ZSCAN16: variants seen among roughly 807,000 people sequenced by gnomAD.
ZSCAN16 encodes the protein zinc finger and SCAN domain containing 16.
In ZSCAN16, 15 loss-of-function variants were observed where a neutral mutation model predicts 19.4. The ratio of observed to expected loss-of-function variants is 0.77; its 90% confidence interval spans 0.52 to 1.19. The LOEUF is 1.19. Ranked by LOEUF, ZSCAN16 falls within the 50% of genes most tolerant of loss-of-function variation. The pLI, the probability that ZSCAN16 is intolerant of heterozygous loss-of-function variation, is 0.00. For missense variants in ZSCAN16, 327 were observed against 415.7 expected (o/e 0.79, Z 1.86); for synonymous variants, 138 against 146.5 (o/e 0.94, Z 0.42).
In ZSCAN16 at chr6:28,125,717, A is replaced by G; in HGVS notation, c.274A>G (p.Ile92Val). ...GCTGGTGCTAGAACAGTTCCTGAGCATTCTTCCTAAAGACCTGCAAGCATG... is the reference window on the plus strand; with the variant it reads ...GCTGGTGCTAGAACAGTTCCTGAGCGTTCTTCCTAAAGACCTGCAAGCATG... Reference protein sequence around the residue: ...DLLVLEQFLSILPKDLQAWVR... With the variant: ...DLLVLEQFLSVLPKDLQAWVR... Residue 92 changes from isoleucine to valine, a missense_variant, in exon 2 of 4, where the codon ATT (isoleucine) becomes GTT (valine). Coordinates refer to ENST00000340487, the MANE Select transcript of ZSCAN16 (RefSeq NM_025231.3). The surrounding 1 kb of genome is among the most constrained non-coding windows in gnomAD (Gnocchi z 6.2). 1 of 1,614,248 alleles carries G rather than the reference A, an allele frequency of 6.2e-7. No individual in the cohort carries two copies. Among genetic ancestry groups the G allele is most frequent in the South Asian group, 1.1e-5 (1 of 91,090 alleles).
Position 28,124,609 on chromosome 6 carries a change from G to C in ZSCAN16, c.-100G>C, listed in dbSNP as rs1055185025. ...CGGCCGGGCGCCGATTGGTGTCTTTGAGTCTAGTCTTTGTTCGGGGCTGTC... is the reference window on the plus strand; with the variant it reads ...CGGCCGGGCGCCGATTGGTGTCTTTCAGTCTAGTCTTTGTTCGGGGCTGTC... On this transcript the variant is annotated 5_prime_UTR_variant, in exon 1 of 4. Transcript: ENST00000340487. 1 of 152,228 alleles carries C rather than the reference G, an allele frequency of 6.6e-6. No individual in the cohort carries two copies. Among genetic ancestry groups the C allele is most frequent in the Non-Finnish European group, 1.5e-5 (1 of 68,062 alleles). 9.4% of individuals were successfully genotyped at this position (152,228 alleles called of 1,614,324 possible). A position where few individuals can be genotyped will look rare whatever the true frequency, so the allele number is the denominator to read the frequency against.
In ZSCAN16 at chr6:28,129,745, G is replaced by T; in HGVS notation, c.842G>T (p.Gly281Val). The T allele has an allele frequency of 6.2e-7, 1 of 1,614,114 alleles. No homozygotes were observed. Among genetic ancestry groups the T allele is most frequent in the Non-Finnish European group, 8.5e-7 (1 of 1,180,002 alleles). ...KAFIQRSHLI[G>V]HHRVHTGVKP... The stretch of plus-strand genomic sequence containing the variant: ...TTCATTCAGCGCTCACATCTCATTG[G>T]ACATCATAGAGTACACACGGGAGTA... Residue 281 changes from glycine to valine, a missense_variant, in exon 4 of 4, where the codon GGA becomes GTA. Physicochemically the swap from Gly to Val is moderately radical, Grantham distance 109. Transcript: ENST00000340487.
chr6:28,127,154 T>C (rs1764929344), intron 3 of ZSCAN16, among the ~76,000 whole-genome samples: 1 of 152,168 alleles, frequency 6.6e-6, no homozygotes, highest in Admixed American at 6.5e-5. Flanking sequence ...TTATTTAATA[T>C]CCTTATAATT....
At position 28,125,292 on chromosome 6, in the gene ZSCAN16, T is replaced by C; in HGVS notation, c.-31-121T>C. 1 of 1,184,972 alleles carries C rather than the reference T, an allele frequency of 8.4e-7. No individual in the cohort carries two copies. The highest frequency in any genetic ancestry group is 1.1e-6 in the Non-Finnish European group (1 of 876,966). 73.4% of individuals were successfully genotyped at this position (1,184,972 alleles called of 1,614,324 possible). On this transcript the variant is annotated intron_variant, in intron 1 of 3. Coordinates refer to ENST00000340487, the MANE Select transcript of ZSCAN16 (RefSeq NM_025231.3). This position sits in a 1 kb window ranked among gnomAD's most constrained non-coding sequence, Gnocchi z 6.2. ...TCTGATTGACTTCTGGTGGCTTGGC[T>C]TCATTATGATGTGTTTATGTTCACA...
chr6:28,126,942 G>C, intron 3 of ZSCAN16, 21 bp downstream of exon 3: 1 of 1,514,854 alleles, frequency 6.6e-7, no homozygotes, highest in South Asian at 1.3e-5. Context: ...ACAGTTCTGA[G>C]TGTATGAGGG....
chr6:28,125,471 C>T lies in ZSCAN16; in HGVS notation c.28C>T (p.Gln10Ter), dbSNP rs765820844. 1.2e-6 allele frequency: 2 copies of T among 1,613,830 alleles called. No individual in the cohort carries two copies. Among genetic ancestry groups the T allele is most frequent in the South Asian group, 2.2e-5 (2 of 91,036 alleles). Residue 10 changes from glutamine (Q) to a stop codon, truncating the protein, a stop_gained, in exon 2 of 4, where the codon CAA becomes TAA. Transcript: ENST00000340487. LOFTEE classifies it high-confidence loss of function. The surrounding 1 kb of genome is among the most constrained non-coding windows in gnomAD (Gnocchi z 6.2). MTTALEPEDQKGLLIIKAED... is the reference protein window; with the variant it reads MTTALEPED The stretch of plus-strand genomic sequence containing the variant: ...GACCACAGCCCTGGAACCTGAGGAC[C>T]AAAAAGGACTTCTGATAATTAAGGC...
intron 3 of ZSCAN16, 36 bp downstream of exon 3, chr6:28,126,957 G>A: frequency 2.1e-6 from 3 of 1,418,360 alleles, no homozygotes; most frequent in Non-Finnish European, 2.8e-6. Context: ...TGAGGGTAGA[G>A]GTACTTCCTT....
At chr6:28,128,327 A>G (rs932330811) in intron 3 of ZSCAN16, among the ~76,000 whole-genome samples, 7 of 152,146 alleles carry the variant, frequency 4.6e-5, no homozygotes, top group Non-Finnish European at 1.0e-4. Context: ...TTTACTAAAT[A>G]GCAGCTATAT....
chr6:28,127,813 A>G (rs968904369), intron 3 of ZSCAN16, among the ~76,000 whole-genome samples: 1 of 152,146 alleles, frequency 6.6e-6, no homozygotes, highest in African/African-American at 2.4e-5. Flanking sequence ...TCCAAACCCT[A>G]CCTTTTTCAG....
Position 28,129,439 on chromosome 6 carries a change from C to T in ZSCAN16, c.536C>T (p.Thr179Ile), listed in dbSNP as rs1764992768. The T allele has an allele frequency of 6.2e-7, 1 of 1,605,766 alleles. No individual in the cohort carries two copies. Among genetic ancestry groups the T allele is most frequent in the African/African-American group, 1.3e-5 (1 of 74,492 alleles). ...AGKPQRNGDK[T>I]RTKNEELFQK... ...TGTTTGTTTGTTACAGGTGATAAAA[C>T]TAGGACTAAGAATGAAGAGTTGTTC... is the stretch of plus-strand genomic sequence containing the variant. Residue 179 changes from threonine to isoleucine, a missense_variant, in exon 4 of 4, where the codon ACT (threonine) becomes ATT (isoleucine). By Grantham distance (89) the Thr-to-Ile change is moderately conservative (BLOSUM62 -1). Coordinates refer to ENST00000340487, the MANE Select transcript of ZSCAN16 (RefSeq NM_025231.3).
chr6:28,125,503 C>A lies in ZSCAN16; in HGVS notation c.60C>A (p.Asp20Glu), dbSNP rs371597935. The change falls in exon 2 of 4, where the codon GAC becomes GAA. Residue 20 changes from aspartate (D) to glutamate (E), a missense_variant. Physicochemically the swap from Asp to Glu is conservative, Grantham distance 45. Transcript: ENST00000340487. The surrounding 1 kb of genome is among the most constrained non-coding windows in gnomAD (Gnocchi z 6.2). ...QKGLLIIKAEDHYWGQDSSSQ... is the reference protein window; with the variant it reads ...QKGLLIIKAEEHYWGQDSSSQ... Reference sequence around the variant, plus strand: ...GACTTCTGATAATTAAGGCAGAGGACCATTACTGGGGACAGGATTCCAGCT... The same window carrying A: ...GACTTCTGATAATTAAGGCAGAGGAACATTACTGGGGACAGGATTCCAGCT... The A allele has an allele frequency of 6.2e-7, 1 of 1,614,038 alleles. No individual in the cohort carries two copies. The highest frequency in any genetic ancestry group is 8.5e-7 in the Non-Finnish European group (1 of 1,180,044).
chr6:28,128,395 T>C (rs1764962552), intron 3 of ZSCAN16, among the ~76,000 whole-genome samples: 1 of 152,152 alleles, frequency 6.6e-6, no homozygotes, highest in Non-Finnish European at 1.5e-5. Flanking sequence ...ATTACTTCTC[T>C]TCAAGAAGCA....
In ZSCAN16 at chr6:28,126,769, C is replaced by T. The variant is rs766413045; in HGVS notation, c.388-14C>T. On this transcript the variant is annotated splice_polypyrimidine_tract_variant and intron_variant, in intron 2 of 3. Transcript: ENST00000340487. ...TTTCCATAAAATTCACCTTACACAC[C>T]TCATTTTCCCTAGGTCCCAGGCAAT... is the stretch of plus-strand genomic sequence containing the variant. 3 of 1,421,524 alleles carry T rather than the reference C, an allele frequency of 2.1e-6. No homozygotes were observed. Among genetic ancestry groups the T allele is most frequent in the Non-Finnish European group, 1.9e-6 (2 of 1,071,968 alleles). The allele number at this position is 1,421,524 out of a possible 1,614,324, so 88.1% of individuals were successfully genotyped here.
At chr6:28,126,268 TAA>T (rs60347036) in intron 2 of ZSCAN16, among the ~76,000 whole-genome samples, 3,304 of 151,004 alleles carry the variant, frequency 0.022, 53 homozygotes, top group African/African-American at 0.059. Context: ...GTAGCCACAT[TAA>T]AAAAAAAGGT....
Position 28,125,622 on chromosome 6 carries a change from C to G in ZSCAN16, c.179C>G (p.Thr60Ser). 1 of 1,614,256 alleles carries G rather than the reference C, an allele frequency of 6.2e-7. No individual in the cohort carries two copies. Among genetic ancestry groups the G allele is most frequent in the Non-Finnish European group, 8.5e-7 (1 of 1,180,032 alleles). The part of the protein sequence containing the change: ...QDAPGPREAL[T>S]QLWELCRQWL... ...GCACCTGGACCCCGTGAAGCTCTTA[C>G]CCAGCTGTGGGAGCTCTGCCGTCAG... Residue 60 changes from threonine to serine, a missense_variant, in exon 2 of 4, where the codon ACC becomes AGC. Coordinates refer to ENST00000340487, the MANE Select transcript of ZSCAN16 (RefSeq NM_025231.3). The surrounding 1 kb of genome is among the most constrained non-coding windows in gnomAD (Gnocchi z 6.2).
Position 28,125,864 on chromosome 6 carries a change from CA to C in ZSCAN16, c.387+35del. On this transcript the variant is annotated intron_variant, in intron 2 of 3. Coordinates refer to ENST00000340487, the MANE Select transcript of ZSCAN16 (RefSeq NM_025231.3). The surrounding 1 kb of genome is among the most constrained non-coding windows in gnomAD (Gnocchi z 6.2). The stretch of plus-strand genomic sequence containing the variant: ...GGGCAGTCATCTGGCTGTGAGTGAT[CA>C]GGGGATATGGATGGAGCCAAAGCAA... 1.3e-6 allele frequency: 2 copies of C among 1,511,232 alleles called. No individual in the cohort carries two copies. The highest frequency in any genetic ancestry group is 2.8e-5 in the African/African-American group (2 of 72,420). The allele number at this position is 1,511,232 out of a possible 1,614,324, so 93.6% of individuals were successfully genotyped here. A position where few individuals can be genotyped will look rare whatever the true frequency, so the allele number is the denominator to read the frequency against.
intron 3 of ZSCAN16, among the ~76,000 whole-genome samples, chr6:28,128,488 G>T (rs1214895808): frequency 6.6e-6 from 1 of 152,224 alleles, no homozygotes; most frequent in African/African-American, 2.4e-5. Flanking sequence ...TATCCCTGAG[G>T]TGCACCTGCA....
chr6:28,125,810 C>T lies in ZSCAN16; in HGVS notation c.367C>T (p.Leu123Phe), dbSNP rs1246972024. 1 of 1,606,660 alleles carries T rather than the reference C, an allele frequency of 6.2e-7. No homozygotes were observed. Among genetic ancestry groups the T allele is most frequent in the Non-Finnish European group, 8.5e-7 (1 of 1,176,254 alleles). The change falls in exon 2 of 4, where the codon CTT (leucine) becomes TTT (phenylalanine). Residue 123 changes from leucine (L) to phenylalanine (F), a missense_variant. Transcript: ENST00000340487. The surrounding 1 kb of genome is among the most constrained non-coding windows in gnomAD (Gnocchi z 6.2). ...VTVLEDLERELDEPGKQVPGN... is the reference protein window; with the variant it reads ...VTVLEDLEREFDEPGKQVPGN... ...GGTACTGGAGGATCTGGAGAGAGAG[C>T]TTGATGAACCTGGAAAGCAGGTGTG...
intron 3 of ZSCAN16, among the ~76,000 whole-genome samples, chr6:28,127,716 C>T (rs111455644): frequency 6.6e-6 from 1 of 152,134 alleles, no homozygotes; most frequent in Non-Finnish European, 1.5e-5. Context: ...GTTTTATCCC[C>T]CATCCCAGCT....
Sources: gnomAD v4.1 joint callset for allele counts (sites outside exome capture counted in the v4.1 genomes callset) on GRCh38, gnomAD v4.1.1 for gene constraint, Gnocchi (gnomAD v3.1) non-coding constraint, MANE v1.5 for transcripts, NCBI Gene and HGNC (gene_info 2026-07-23, HGNC 2026-07-21) for gene names.